The following DIP2A variants were observed in gnomAD, a reference collection of about 807,000 sequenced individuals.
DIP2A encodes DIP2 acetate--CoA ligase A, also known as disco-interacting protein 2 homolog A.
Under a neutral mutation model 177.4 loss-of-function variants are expected in DIP2A, and 85 were observed. That is an observed-to-expected ratio of 0.48 (90% CI 0.40 to 0.57). DIP2A has a LOEUF of 0.57. Ranked by LOEUF, DIP2A falls within the 20% of genes least tolerant of loss-of-function variation. The pLI is 0.00. For missense variants in DIP2A, 1,791 were observed against 2,100.2 expected (o/e 0.85, Z 2.88); for synonymous variants, 886 against 881.8 (o/e 1.00, Z -0.08).
intron 1 of DIP2A, among the ~76,000 whole-genome samples, chr21:46,465,126 C>G (rs1427556609): frequency 6.6e-6 from 1 of 152,156 alleles, no homozygotes; most frequent in Non-Finnish European, 1.5e-5. Context: ...CTTCCTTGAT[C>G]ATCTCTAATG....
intron 21 of DIP2A, chr21:46,547,263 A>G (rs1386876628): frequency 1.9e-5 from 25 of 1,286,286 alleles, no homozygotes; most frequent in Non-Finnish European, 2.5e-5. Flanking sequence ...TTAAGAAAAT[A>G]AGGTTTTGAT....
chr21:46,548,215 T>A (rs1035949777), intron 21 of DIP2A, among the ~76,000 whole-genome samples: 1 of 151,976 alleles, frequency 6.6e-6, no homozygotes, highest in Non-Finnish European at 1.5e-5. Flanking sequence ...TGTGTTTGTG[T>A]GCGCCTGCGT....
At chr21:46,548,674 A>G (rs964791369) in intron 21 of DIP2A, among the ~76,000 whole-genome samples, 3 of 152,208 alleles carry the variant, frequency 2.0e-5, no homozygotes, top group African/African-American at 7.2e-5. Flanking sequence ...CTTTAAAGGA[A>G]CTATTAAGAG....
chr21:46,563,718 G>T lies in DIP2A; in HGVS notation c.4090-140G>T. 3 of 1,359,776 alleles carry T rather than the reference G, an allele frequency of 2.2e-6. No individual in the cohort carries two copies. The highest frequency in any genetic ancestry group is 1.8e-5 in the South Asian group (1 of 55,308). 84.2% of individuals were successfully genotyped at this position (1,359,776 alleles called of 1,614,324 possible). On this transcript the variant is annotated intron_variant, in intron 34 of 37. Coordinates refer to ENST00000417564, the MANE Select transcript of DIP2A (RefSeq NM_015151.4). This position sits in a 1 kb window ranked among gnomAD's most constrained non-coding sequence, Gnocchi z 4.3. ...CAAAATTCAAAGTCAAATTTGGAGC[G>T]GCCTCTAAACTTCCTGACCTGACAT... is the stretch of plus-strand genomic sequence containing the variant.
intron 10 of DIP2A, among the ~76,000 whole-genome samples, chr21:46,533,204 C>T (rs1039324174): frequency 6.6e-6 from 1 of 152,118 alleles, no homozygotes; most frequent in Non-Finnish European, 1.5e-5. Context: ...AATTTCAATG[C>T]CATTAACTTT....
At chr21:46,579,952 A>T in the DIP2A span, among the ~76,000 whole-genome samples, 1 of 152,196 alleles carries the variant, frequency 6.6e-6, no homozygotes, top group African/African-American at 2.4e-5. Context: ...AGTTCTGTAG[A>T]TATCTATCAG....
intron 36 of DIP2A, 64 bp from the exon 37 acceptor site, chr21:46,566,496 T>C: frequency 1.2e-6 from 2 of 1,607,498 alleles, no homozygotes; most frequent in Non-Finnish European, 1.7e-6. Flanking sequence ...GCTCAGAGGA[T>C]ACGAATGTCC....
At position 46,535,194 on chromosome 21, in the gene DIP2A, TGTTGATAAA is replaced by T. The variant is rs1468188585; in HGVS notation, c.1642+510_1642+518del. 2.6e-5 allele frequency among the ~76,000 whole-genome samples: 4 copies of T among 152,248 alleles called. No individual in the cohort carries two copies. In the East Asian group the frequency reaches 7.7e-4, roughly 29 times the overall value. On this transcript the variant is annotated intron_variant, in intron 13 of 37. Transcript: ENST00000417564. Reference sequence around the variant, plus strand: ...AGAATCTTTATGGTTATAGATGATCTGTTGATAAAGTATAGTCAGCACCTGATTTACTTC... The same window carrying T: ...AGAATCTTTATGGTTATAGATGATCTGTATAGTCAGCACCTGATTTACTTC...
In DIP2A at chr21:46,532,113, T is replaced by G. The variant is rs771398251; in HGVS notation, c.1195-14T>G. ...TTGGAAATTTGGAATATTCATTTCTTTGTCCTGTTGTAGGTGGCGCTCGTG... is the reference window on the plus strand; with the variant it reads ...TTGGAAATTTGGAATATTCATTTCTGTGTCCTGTTGTAGGTGGCGCTCGTG... On this transcript the variant is annotated splice_polypyrimidine_tract_variant and intron_variant, in intron 9 of 37. Coordinates refer to ENST00000417564, the MANE Select transcript of DIP2A (RefSeq NM_015151.4). 4.9e-5 allele frequency: 78 copies of G among 1,605,688 alleles called. No individual in the cohort carries two copies. The African/African-American group carries it at 9.8e-4, about 20-fold the overall frequency.
chr21:46,535,819 A>G (rs567891376), intron 13 of DIP2A, among the ~76,000 whole-genome samples: 10 of 152,158 alleles, frequency 6.6e-5, no homozygotes, highest in Non-Finnish European at 1.5e-4. Flanking sequence ...ATGTGTGCCT[A>G]TAGTCCCAGC....
At chr21:46,536,144 A>G (rs1343729353) in intron 13 of DIP2A, among the ~76,000 whole-genome samples, 3 of 152,240 alleles carry the variant, frequency 2.0e-5, no homozygotes, top group East Asian at 3.8e-4. Context: ...AAGGGTGTTT[A>G]TAGTACTGTT....
intron 9 of DIP2A, 25 bp from the exon 10 acceptor site, chr21:46,532,102 T>A (rs2059378958): frequency 6.3e-7 from 1 of 1,584,178 alleles, no homozygotes; most frequent in Non-Finnish European, 8.6e-7. Context: ...AAATTTGGAA[T>A]ATTCATTTCT....
intron 19 of DIP2A, 104 bp from the exon 20 acceptor site, chr21:46,545,777 A>G (rs1307373313): frequency 7.4e-7 from 1 of 1,344,224 alleles, no homozygotes; most frequent in Non-Finnish European, 1.0e-6. Context: ...CCCCCTGGCC[A>G]GCAGGCGCAC....
At chr21:46,581,976 G>T in the DIP2A span, among the ~76,000 whole-genome samples, 2 of 152,314 alleles carry the variant, frequency 1.3e-5, no homozygotes, top group African/African-American at 2.4e-5. Flanking sequence ...GGTGGAGTGG[G>T]TGCACTGCAC....
chr21:46,477,204 G>A (rs748859374), intron 1 of DIP2A, among the ~76,000 whole-genome samples: 42 of 152,012 alleles, frequency 2.8e-4, no homozygotes, highest in Non-Finnish European at 4.6e-4. Context: ...AGTCAAGGAA[G>A]CACGTGCCCT....
rs773059032 is a variant in DIP2A, at chr21:46,532,272, G to A, written c.1305+35G>A. On this transcript the variant is annotated intron_variant, in intron 10 of 37. Transcript: ENST00000417564. ...CCATGGCTCAGGTCCCGTGTGGTTC[G>A]CTTCTGAACTTGATACCAGCAGTAT... The A allele has an allele frequency of 6.4e-6, 10 of 1,561,810 alleles. No individual in the cohort carries two copies. The East Asian group carries it at 6.8e-5, about 11-fold the overall frequency.
At chr21:46,477,654 A>G (rs2148383300) in intron 1 of DIP2A, among the ~76,000 whole-genome samples, 1 of 133,264 alleles carries the variant, frequency 7.5e-6, no homozygotes, top group Non-Finnish European at 1.6e-5. Flanking sequence ...GCTCACTGCA[A>G]CCTCCGCCTC....
Position 46,504,345 on chromosome 21 carries a change from T to C in DIP2A, c.656-16T>C. On this transcript the variant is annotated splice_polypyrimidine_tract_variant and intron_variant, in intron 5 of 37. Transcript: ENST00000417564. ...TTAACAGCCACTTTCATTTTGGGTG[T>C]GTTTTTCAAAAGCAGATCTGCATTC... The C allele has an allele frequency of 1.9e-6, 3 of 1,613,396 alleles. No homozygotes were observed. Among genetic ancestry groups the C allele is most frequent in the Non-Finnish European group, 1.7e-6 (2 of 1,179,616 alleles).
chr21:46,476,808 A>G (rs765376038), intron 1 of DIP2A, among the ~76,000 whole-genome samples: 6 of 152,008 alleles, frequency 3.9e-5, no homozygotes, highest in Non-Finnish European at 7.4e-5. Flanking sequence ...GGTGTGTGCC[A>G]CCATGCCAGG....
Sources: allele counts gnomAD v4.1 joint callset (sites outside exome capture counted in the v4.1 genomes callset), GRCh38; gene constraint gnomAD v4.1.1; non-coding constraint Gnocchi (gnomAD v3.1); transcripts MANE v1.5; gene names NCBI Gene and HGNC (gene_info 2026-07-23, HGNC 2026-07-21).